RNF180: variants seen among roughly 807,000 people sequenced by gnomAD.
RNF180 encodes ring finger protein 180.
A neutral mutation model predicts 59.2 loss-of-function variants in RNF180; 38 were observed. The ratio of observed to expected loss-of-function variants is 0.64; its 90% CI spans 0.50 to 0.84. The LOEUF (loss-of-function observed/expected upper bound fraction) is 0.84. Ranked by LOEUF, RNF180 falls within the 40% of genes least tolerant of loss-of-function variation. RNF180 has a pLI of 0.00. For missense variants in RNF180, 705 were observed against 700.9 expected, an observed-to-expected ratio of 1.01 and a Z score of -0.07; for synonymous variants, 262 against 240.3, an observed-to-expected ratio of 1.09 and a Z score of -0.84.
chr5:64,360,849 A>G (rs1220814762), intron 7 of RNF180, among the ~76,000 whole-genome samples: 4 of 151,632 alleles, frequency 2.6e-5, no homozygotes, highest in Admixed American at 6.6e-5. Flanking sequence ...CTCATTTCCC[A>G]TAGGGTATCT....
At position 64,281,248 on chromosome 5, in the gene RNF180, G is replaced by A. The variant is rs576404965; in HGVS notation, c.1228-43938G>A. 4.6e-5 allele frequency among the ~76,000 whole-genome samples: 7 copies of A among 152,118 alleles called. No individual in the cohort carries two copies. In the South Asian group the frequency reaches 1.4e-3, roughly 32 times the overall value. Reference sequence around the variant, plus strand: ...CTGTATATAAAATCATATCATCCATGAAGATAGTTTGACTTCCTCTGTTAT... The same window carrying A: ...CTGTATATAAAATCATATCATCCATAAAGATAGTTTGACTTCCTCTGTTAT... On this transcript the variant is annotated intron_variant, in intron 5 of 7. Coordinates refer to ENST00000389100, the MANE Select transcript of RNF180 (RefSeq NM_001113561.2).
chr5:64,214,401 C>T lies in RNF180; in HGVS notation c.1075C>T (p.His359Tyr), dbSNP rs1217914430. The change falls in exon 4 of 8, where the codon CAC (histidine) becomes TAC (tyrosine). Residue 359 changes from histidine to tyrosine, a missense_variant. Coordinates refer to ENST00000389100, the MANE Select transcript of RNF180 (RefSeq NM_001113561.2). ...GCACCTCTCCCCTCTGGACTTCCTG[C>T]ACTCAGCCAATTTTTCATTGGGCAG... ...EEHLSPLDFL[H>Y]SANFSLGSIN... The T allele has an allele frequency of 6.2e-7, 1 of 1,614,058 alleles. No homozygotes were observed. The highest frequency in any genetic ancestry group is 2.2e-5 in the East Asian group (1 of 44,878).
chr5:64,349,966 T>A (rs139715645), intron 7 of RNF180, among the ~76,000 whole-genome samples: 2 of 151,216 alleles, frequency 1.3e-5, no homozygotes, highest in African/African-American at 4.8e-5. Flanking sequence ...GTATTTCTAA[T>A]TCTAGATCCT....
chr5:64,277,995 T>G (rs1282509938), intron 5 of RNF180, among the ~76,000 whole-genome samples: 1 of 152,192 alleles, frequency 6.6e-6, no homozygotes, highest in Non-Finnish European at 1.5e-5. Context: ...ACCAAGAGTA[T>G]CTGTGACAGT....
At chr5:64,359,071 C>T (rs1485510577) in intron 7 of RNF180, among the ~76,000 whole-genome samples, 178 of 150,984 alleles carry the variant, frequency 1.2e-3, no homozygotes, top group Non-Finnish European at 1.7e-3. Context: ...TCTTTGCTAT[C>T]GTGAATAATG....
intron 7 of RNF180, 57 bp downstream of exon 7, chr5:64,330,463 T>C: frequency 7.1e-7 from 1 of 1,418,274 alleles, no homozygotes; most frequent in Non-Finnish European, 9.5e-7. Flanking sequence ...GGTCTGTTCT[T>C]AAAAGTAACT....
chr5:64,337,345 A>G (rs957076721), intron 7 of RNF180, among the ~76,000 whole-genome samples: 2 of 151,640 alleles, frequency 1.3e-5, no homozygotes, highest in Non-Finnish European at 2.9e-5. Flanking sequence ...TTGTAGTTTT[A>G]CTTTTTCGGT....
chr5:64,347,408 T>G (rs756753945), intron 7 of RNF180, among the ~76,000 whole-genome samples: 15 of 152,156 alleles, frequency 9.9e-5, no homozygotes, highest in Non-Finnish European at 1.8e-4. Context: ...AGGTTACAAC[T>G]ATCTGGAGAA....
chr5:64,214,398 C>T lies in RNF180; in HGVS notation c.1072C>T (p.Leu358=). The T allele has an allele frequency of 6.2e-7, 1 of 1,614,078 alleles. No individual in the cohort carries two copies. Among genetic ancestry groups the T allele is most frequent in the Non-Finnish European group, 8.5e-7 (1 of 1,180,016 alleles). ...QEEHLSPLDF[L]HSANFSLGSI... ...AGAGCACCTCTCCCCTCTGGACTTC[C>T]TGCACTCAGCCAATTTTTCATTGGG... Residue 358 remains leucine (L), a synonymous_variant, in exon 4 of 8, where the codon CTG becomes TTG. Transcript: ENST00000389100.
At chr5:64,301,299 C>T (rs139086782) in intron 5 of RNF180, among the ~76,000 whole-genome samples, 1 of 151,814 alleles carries the variant, frequency 6.6e-6, no homozygotes, top group Non-Finnish European at 1.5e-5. Flanking sequence ...TTTTAATCCT[C>T]ATAGTCATTA....
At position 64,316,766 on chromosome 5, in the gene RNF180, A is replaced by T. The variant is rs1047612463; in HGVS notation, c.1228-8420A>T. On this transcript the variant is annotated intron_variant, in intron 5 of 7. Coordinates refer to ENST00000389100, the MANE Select transcript of RNF180 (RefSeq NM_001113561.2). ...TATAATTGTGTTGATGGAGAAGGCA[A>T]TTTGAATGCTTATCCTTTACTTCTG... Among the ~76,000 whole-genome samples the T allele has an allele frequency of 3.3e-5, 5 of 152,326 alleles. No homozygotes were observed. In the East Asian group the frequency reaches 7.7e-4, roughly 24 times the overall value.
intron 5 of RNF180, among the ~76,000 whole-genome samples, chr5:64,270,631 A>G (rs1414706426): frequency 1.3e-5 from 2 of 152,146 alleles, no homozygotes; most frequent in Non-Finnish European, 2.9e-5. Context: ...TAATTTGTCT[A>G]AGATCACAAA....
At chr5:64,256,471 T>A (rs1309244788) in intron 5 of RNF180, among the ~76,000 whole-genome samples, 1 of 152,214 alleles carries the variant, frequency 6.6e-6, no homozygotes, top group Non-Finnish European at 1.5e-5. Flanking sequence ...CCTTTCCCCA[T>A]TGCTTGTTTC....
chr5:64,330,661 C>A (rs945557232), intron 7 of RNF180, among the ~76,000 whole-genome samples: 1 of 152,212 alleles, frequency 6.6e-6, no homozygotes, highest in Non-Finnish European at 1.5e-5. Context: ...CTGTTTAGTA[C>A]ATAGATAATG....
At chr5:64,214,871 TG>T (rs1469952091) in intron 4 of RNF180, among the ~76,000 whole-genome samples, 5 of 152,074 alleles carry the variant, frequency 3.3e-5, no homozygotes, top group African/African-American at 4.8e-5. Flanking sequence ...GTTGAAAAAA[TG>T]TTTTTTTTAA....
chr5:64,292,162 G>C (rs753769536), intron 5 of RNF180, among the ~76,000 whole-genome samples: 14 of 152,088 alleles, frequency 9.2e-5, no homozygotes, highest in Non-Finnish European at 2.1e-4. Context: ...AGCCCAGTTC[G>C]TGCCCTTGCT....
chr5:64,237,839 T>C (rs1580080753), intron 5 of RNF180, among the ~76,000 whole-genome samples: 2 of 152,092 alleles, frequency 1.3e-5, no homozygotes, highest in South Asian at 4.2e-4. Context: ...CTCTCTCTCT[T>C]TCTCTTCCCC....
At chr5:64,326,627 C>T (rs930979378) in intron 6 of RNF180, among the ~76,000 whole-genome samples, 2 of 152,098 alleles carry the variant, frequency 1.3e-5, no homozygotes, top group Non-Finnish European at 2.9e-5. Context: ...TCCATATTTC[C>T]GTGAATTTAT....
At chr5:64,229,100 T>G (rs546420488) in intron 5 of RNF180, among the ~76,000 whole-genome samples, 1 of 152,092 alleles carries the variant, frequency 6.6e-6, no homozygotes, top group East Asian at 1.9e-4. Flanking sequence ...TTATTGTGTA[T>G]TTTTTGTAGA....
Sources: allele counts gnomAD v4.1 joint callset (sites outside exome capture counted in the v4.1 genomes callset), GRCh38; gene constraint gnomAD v4.1.1; transcripts MANE v1.5; gene names NCBI Gene and HGNC (gene_info 2026-07-23, HGNC 2026-07-21).